CNTN4: variants seen among roughly 807,000 people sequenced by gnomAD.
CNTN4 encodes the protein contactin-4.
Under a neutral mutation model 122.5 loss-of-function variants are expected in CNTN4, and 77 were observed. That is an observed-to-expected ratio of 0.63 (90% CI 0.52 to 0.76). The LOEUF (loss-of-function observed/expected upper bound fraction) is 0.76, where lower values mean the gene tolerates loss of function less well. Ranked by LOEUF, CNTN4 falls within the 30% of genes least tolerant of loss-of-function variation. The pLI, the probability that CNTN4 is intolerant of heterozygous loss-of-function variation, is 0.00. For synonymous variants in CNTN4, 512 were observed against 447.0 expected, an observed-to-expected ratio of 1.15 and a Z score of -1.83; for missense variants, 1,256 against 1,259.1, an observed-to-expected ratio of 1.00 and a Z score of 0.04.
At chr3:2,115,635 G>T (rs1011886240) in intron 2 of CNTN4, among the ~76,000 whole-genome samples, 1 of 152,228 alleles carries the variant, frequency 6.6e-6, no homozygotes, top group Non-Finnish European at 1.5e-5. Flanking sequence ...TCTGCAGAAT[G>T]CAGAAAGGTA....
In CNTN4 at chr3:2,801,049, T is replaced by C. The variant is rs79039246; in HGVS notation, c.359-18437T>C. ...CACTGCATGACCTTCTAACACACTA[T>C]GTCATTTAACTTTTTATCATGGTAT... On this transcript the variant is annotated intron_variant, in intron 6 of 24. Transcript: ENST00000418658. 5.0e-3 allele frequency among the ~76,000 whole-genome samples: 759 copies of C among 152,304 alleles called. 7 individuals carry two copies. The highest frequency in any genetic ancestry group is 0.017 in the African/African-American group (723 of 41,564).
At chr3:2,526,998 C>G (rs2149200035) in intron 3 of CNTN4, among the ~76,000 whole-genome samples, 1 of 152,296 alleles carries the variant, frequency 6.6e-6, no homozygotes, top group East Asian at 1.9e-4. Flanking sequence ...ATTAACCTCT[C>G]TGGACTTTGG....
At chr3:2,560,254 C>T (rs189170894) in intron 3 of CNTN4, among the ~76,000 whole-genome samples, 211 of 152,050 alleles carry the variant, frequency 1.4e-3, no homozygotes, top group Non-Finnish European at 2.6e-3. Flanking sequence ...GATTCTCCCA[C>T]CTCAGCCTCC....
At chr3:3,022,905 C>T (rs1574849331) in intron 14 of CNTN4, among the ~76,000 whole-genome samples, 1 of 152,084 alleles carries the variant, frequency 6.6e-6, no homozygotes, top group East Asian at 1.9e-4. Flanking sequence ...CAAATCCAGC[C>T]GTCAGTTCAC....
chr3:2,206,860 G>T (rs1320807639), intron 2 of CNTN4, among the ~76,000 whole-genome samples: 3 of 145,564 alleles, frequency 2.1e-5, no homozygotes, highest in Non-Finnish European at 4.5e-5. Context: ...TTGCATTACT[G>T]CACTTCGCAG....
intron 4 of CNTN4, among the ~76,000 whole-genome samples, chr3:2,595,010 G>C (rs748160075): frequency 1.3e-5 from 2 of 152,136 alleles, no homozygotes; most frequent in Non-Finnish European, 2.9e-5. Context: ...TCTCACATTG[G>C]GTATGTGACC....
chr3:2,420,064 A>G (rs2047558352), intron 3 of CNTN4, among the ~76,000 whole-genome samples: 1 of 152,182 alleles, frequency 6.6e-6, no homozygotes, highest in Non-Finnish European at 1.5e-5. Flanking sequence ...GTTGTTCCTC[A>G]TACAGTGCAA....
intron 4 of CNTN4, among the ~76,000 whole-genome samples, chr3:2,602,332 A>G (rs561843094): frequency 9.2e-5 from 14 of 152,330 alleles, no homozygotes; most frequent in East Asian, 1.9e-4. Flanking sequence ...ATGATTGTAT[A>G]TTTAGAAAAC....
chr3:2,565,485 A>C (rs79770222), intron 3 of CNTN4, among the ~76,000 whole-genome samples: 21,805 of 152,072 alleles, frequency 0.14, 1,768 homozygotes, highest in Middle Eastern at 0.25. Context: ...ATCCAAGAAG[A>C]ACCTATAGGC....
chr3:3,026,348 C>A, intron 15 of CNTN4, 71 bp downstream of exon 15: 1 of 1,345,036 alleles, frequency 7.4e-7, no homozygotes, highest in Non-Finnish European at 1.1e-6. Flanking sequence ...TTTAAAGTTA[C>A]TATTTTAGAA....
chr3:2,118,105 TCA>T (rs2033488109), intron 2 of CNTN4, among the ~76,000 whole-genome samples: 1 of 152,230 alleles, frequency 6.6e-6, no homozygotes, highest in Non-Finnish European at 1.5e-5. Flanking sequence ...ACCAAGGAAG[TCA>T]CTAAATGTTT....
At chr3:3,048,579 A>T (rs1700925995) in intron 23 of CNTN4, among the ~76,000 whole-genome samples, 1 of 151,600 alleles carries the variant, frequency 6.6e-6, no homozygotes, top group Non-Finnish European at 1.5e-5. Context: ...ACCTCCCGTG[A>T]TATCTCACGT....
intron 4 of CNTN4, among the ~76,000 whole-genome samples, chr3:2,701,595 G>T (rs146776855): frequency 6.6e-6 from 1 of 152,326 alleles, no homozygotes; most frequent in East Asian, 1.9e-4. Context: ...AGTGGGGACA[G>T]CGCATGCGTA....
chr3:2,486,177 C>G (rs1309571706), intron 3 of CNTN4, among the ~76,000 whole-genome samples: 3 of 152,104 alleles, frequency 2.0e-5, no homozygotes, highest in Non-Finnish European at 4.4e-5. Flanking sequence ...TCTGCAGTTT[C>G]ACTCCTGAAG....
rs115826604 is a variant in CNTN4, at chr3:2,982,306, C to T, written c.1359-6039C>T. On this transcript the variant is annotated intron_variant, in intron 13 of 24. Coordinates refer to ENST00000418658, the MANE Select transcript of CNTN4 (RefSeq NM_175607.3). ...CCTTCCATTCTACTTTTACTACCAC[C>T]GTCACCTGAACAAGTTCAGCAATTT... 9.5e-3 allele frequency among the ~76,000 whole-genome samples: 1,453 copies of T among 152,266 alleles called. 23 individuals carry two copies. The highest frequency in any genetic ancestry group is 0.033 in the African/African-American group (1,352 of 41,534).
At chr3:2,791,203 AT>A (rs1559507301) in intron 6 of CNTN4, among the ~76,000 whole-genome samples, 1 of 152,146 alleles carries the variant, frequency 6.6e-6, no homozygotes, top group East Asian at 1.9e-4. Flanking sequence ...TATTATTGTT[AT>A]TTTTATTATT....
intron 6 of CNTN4, among the ~76,000 whole-genome samples, chr3:2,764,236 C>G (rs1481793685): frequency 6.6e-6 from 1 of 152,024 alleles, no homozygotes; most frequent in Non-Finnish European, 1.5e-5. Context: ...TATGTGATCA[C>G]CAATTGAGAC....
intron 4 of CNTN4, among the ~76,000 whole-genome samples, chr3:2,708,557 A>G (rs981013473): frequency 6.6e-6 from 1 of 152,206 alleles, no homozygotes; most frequent in East Asian, 1.9e-4. Flanking sequence ...AAGTTTTAAT[A>G]AAGGAGCCCA....
At chr3:2,898,774 C>G (rs892832327) in intron 10 of CNTN4, among the ~76,000 whole-genome samples, 2 of 152,050 alleles carry the variant, frequency 1.3e-5, no homozygotes, top group Admixed American at 6.6e-5. Context: ...GTTAATATTC[C>G]TCACATACTT....
Sources: gnomAD v4.1 joint callset for allele counts (sites outside exome capture counted in the v4.1 genomes callset) on GRCh38, gnomAD v4.1.1 for gene constraint, MANE v1.5 for transcripts, NCBI Gene and HGNC (gene_info 2026-07-23, HGNC 2026-07-21) for gene names.